Variants in CAMK2B observed in about 807,000 individuals in gnomAD.
CAMK2B encodes the protein calcium/calmodulin dependent protein kinase II beta.
A neutral mutation model predicts 93.7 loss-of-function variants in CAMK2B; 27 were observed. The ratio of observed to expected loss-of-function variants is 0.29; its 90% CI spans 0.21 to 0.40. The LOEUF (loss-of-function observed/expected upper bound fraction) is 0.40, where lower values mean the gene tolerates loss of function less well. Ranked by LOEUF, CAMK2B falls within the 10% of genes least tolerant of loss-of-function variation. The pLI is 1.00. For missense variants in CAMK2B, 568 were observed against 895.8 expected (o/e 0.63, Z 4.67); for synonymous variants, 374 against 358.8 (o/e 1.04, Z -0.48).
intron 19 of CAMK2B, among the ~76,000 whole-genome samples, chr7:44,227,036 GAA>G (rs1452569354): frequency 3.4e-3 from 6 of 1,750 alleles, no homozygotes; most frequent in Admixed American, 9.3e-3. Context: ...GGGGGGTGTG[GAA>G]GACAGAGGGG....
chr7:44,221,502 C>T (rs534854994), intron 20 of CAMK2B, among the ~76,000 whole-genome samples: 13 of 149,960 alleles, frequency 8.7e-5, no homozygotes, highest in African/African-American at 2.0e-4. Flanking sequence ...CCACGTGCGG[C>T]GCAGGCTGCA....
chr7:44,292,556 T>C (rs769967163), intron 1 of CAMK2B, among the ~76,000 whole-genome samples: 1 of 152,168 alleles, frequency 6.6e-6, no homozygotes, highest in Non-Finnish European at 1.5e-5. Context: ...GAAAAGAAGT[T>C]TGGGAACCAG....
At chr7:44,260,630 G>A (rs2096872091) in intron 3 of CAMK2B, among the ~76,000 whole-genome samples, 1 of 152,154 alleles carries the variant, frequency 6.6e-6, no homozygotes, top group Non-Finnish European at 1.5e-5. Flanking sequence ...AACCTTTGTG[G>A]TGCTCTGAGA....
chr7:44,228,102 GC>G (rs2096537228), intron 19 of CAMK2B, among the ~76,000 whole-genome samples: 1 of 151,860 alleles, frequency 6.6e-6, no homozygotes, highest in South Asian at 2.1e-4. Context: ...CCAGGGAGAG[GC>G]TGCTGGCCAG....
In CAMK2B at chr7:44,220,314, C is replaced by A; in HGVS notation, c.1769-20G>T. ...CCAGCACTGTGGACAGCAGGCGGGG[C>A]GGGGGTCTCGGGTTACCATGACTGC... On this transcript the variant is annotated intron_variant, in intron 22 of 23. Transcript: ENST00000395749. The A allele has an allele frequency of 6.3e-7, 1 of 1,584,280 alleles. No homozygotes were observed. Among genetic ancestry groups the A allele is most frequent in the Admixed American group, 1.7e-5 (1 of 59,660 alleles).
chr7:44,229,666 T>A, intron 17 of CAMK2B, 165 bp from the exon 18 acceptor site: 1 of 494,184 alleles, frequency 2.0e-6, no homozygotes, highest in East Asian at 3.4e-5. Context: ...GTCCTGGGCC[T>A]GTGGTGGCCG....
intron 20 of CAMK2B, among the ~76,000 whole-genome samples, chr7:44,222,677 C>T (rs1255983283): frequency 6.6e-6 from 1 of 152,204 alleles, no homozygotes; most frequent in Non-Finnish European, 1.5e-5. Context: ...CTCCTAACCT[C>T]AAGTGATCTG....
At position 44,271,513 on chromosome 7, in the gene CAMK2B, A is replaced by G. The variant is rs1434311245; in HGVS notation, c.161-8449T>C. Among the ~76,000 whole-genome samples the G allele has an allele frequency of 6.6e-6, 1 of 152,232 alleles. No individual in the cohort carries two copies. Among genetic ancestry groups the G allele is most frequent in the African/African-American group, 2.4e-5 (1 of 41,456 alleles). On this transcript the variant is annotated intron_variant, in intron 2 of 23. Transcript: ENST00000395749. The surrounding 1 kb of genome is among the most constrained non-coding windows in gnomAD (Gnocchi z 4.2). Reference sequence around the variant, plus strand: ...GCTGGCTCCTACAGACTCTGGTGACAGAAAAGTGGGCATTGGCTGTGGGGT... The same window carrying G: ...GCTGGCTCCTACAGACTCTGGTGACGGAAAAGTGGGCATTGGCTGTGGGGT...
rs567288518 is a variant in CAMK2B at position 44,302,858 on chromosome 7, T to C, written c.66-18633A>G. 3.3e-5 allele frequency among the ~76,000 whole-genome samples: 5 copies of C among 152,324 alleles called. No individual in the cohort carries two copies. In the East Asian group the frequency reaches 5.8e-4, roughly 18 times the overall value. ...ACTAAGATCAGGAACAAAGCAAGTA[T>C]GTTCCCTTTCACCACTGCTATTCGA... On this transcript the variant is annotated intron_variant, in intron 1 of 23. Transcript: ENST00000395749.
intron 1 of CAMK2B, among the ~76,000 whole-genome samples, chr7:44,308,439 CT>C (rs1343879537): frequency 6.6e-6 from 1 of 152,084 alleles, no homozygotes; most frequent in African/African-American, 2.4e-5. Context: ...CCCCATCCCC[CT>C]GCCCCCGGCT....
chr7:44,292,192 C>A (rs1484859896), intron 1 of CAMK2B, among the ~76,000 whole-genome samples: 2 of 152,114 alleles, frequency 1.3e-5, no homozygotes, highest in Non-Finnish European at 2.9e-5. Context: ...ATGCATCACC[C>A]CAATCTCTGC....
At chr7:44,242,959 CTG>C (rs1200370019) in intron 8 of CAMK2B, among the ~76,000 whole-genome samples, 6 of 152,236 alleles carry the variant, frequency 3.9e-5, no homozygotes, top group Non-Finnish European at 7.3e-5. Flanking sequence ...CCAACAGCCC[CTG>C]ACCTCTCTTC....
At chr7:44,261,081 G>A (rs1042100854) in intron 3 of CAMK2B, among the ~76,000 whole-genome samples, 5 of 152,202 alleles carry the variant, frequency 3.3e-5, no homozygotes, top group African/African-American at 1.2e-4. Context: ...AGGTCCCCTG[G>A]ACCCTCTCTT....
intron 23 of CAMK2B, among the ~76,000 whole-genome samples, chr7:44,219,837 C>T (rs1248288821): frequency 6.6e-6 from 1 of 152,188 alleles, no homozygotes; most frequent in Admixed American, 6.5e-5. Context: ...GTGGACTGCT[C>T]AGGCCCTCAC....
At chr7:44,308,535 TC>T (rs1027613344) in intron 1 of CAMK2B, among the ~76,000 whole-genome samples, 2 of 152,012 alleles carry the variant, frequency 1.3e-5, no homozygotes, top group Non-Finnish European at 2.9e-5. Flanking sequence ...TCCCCCCACT[TC>T]CTTGGTCATC....
intron 4 of CAMK2B, 80 bp downstream of exon 4, chr7:44,258,791 TG>T: frequency 7.7e-7 from 1 of 1,292,758 alleles, no homozygotes; most frequent in South Asian, 1.2e-5. Flanking sequence ...GACTATTCCC[TG>T]GGGCTGGGGA....
chr7:44,296,487 A>T (rs947031151), intron 1 of CAMK2B, among the ~76,000 whole-genome samples: 3 of 152,172 alleles, frequency 2.0e-5, no homozygotes, highest in Admixed American at 1.3e-4. Flanking sequence ...GAAATATCAG[A>T]AGGAGAAGAA....
At chr7:44,302,991 C>T (rs1563075578) in intron 1 of CAMK2B, among the ~76,000 whole-genome samples, 2 of 152,044 alleles carry the variant, frequency 1.3e-5, no homozygotes, top group African/African-American at 4.8e-5. Context: ...AATGATATGC[C>T]TATATAGAAA....
chr7:44,290,830 C>T (rs1307860168), intron 1 of CAMK2B, among the ~76,000 whole-genome samples: 1 of 152,104 alleles, frequency 6.6e-6, no homozygotes, highest in African/African-American at 2.4e-5. Context: ...TATGATAATA[C>T]AAAAACAAAA....
Sources: gnomAD v4.1 joint callset for allele counts (sites outside exome capture counted in the v4.1 genomes callset) on GRCh38, gnomAD v4.1.1 for gene constraint, Gnocchi (gnomAD v3.1) non-coding constraint, MANE v1.5 for transcripts, NCBI Gene and HGNC (gene_info 2026-07-23, HGNC 2026-07-21) for gene names.